Variants in MAGI1 observed in about 807,000 individuals in gnomAD.
MAGI1 encodes the protein membrane-associated guanylate kinase, WW and PDZ domain-containing protein 1.
In MAGI1, 58 loss-of-function variants were observed where a neutral mutation model predicts 139.9. The ratio of observed to expected loss-of-function variants is 0.41; its 90% CI spans 0.34 to 0.52. The LOEUF (loss-of-function observed/expected upper bound fraction) is 0.52. MAGI1 is among the 20% of genes least tolerant of loss of function. The pLI, the probability that MAGI1 is intolerant of heterozygous loss-of-function variation, is 0.12. For synonymous variants in MAGI1, 812 were observed against 737.9 expected, an observed-to-expected ratio of 1.10 and a Z score of -1.63; for missense variants, 1,874 against 1,901.6, an observed-to-expected ratio of 0.99 and a Z score of 0.27.
At chr3:65,444,601 GC>G in intron 7 of MAGI1, among the ~76,000 whole-genome samples, 1 of 152,144 alleles carries the variant, frequency 6.6e-6, no homozygotes, top group Middle Eastern at 3.4e-3. Context: ...CCTACTTTTT[GC>G]CCGAGGGTGT....
intron 1 of MAGI1, among the ~76,000 whole-genome samples, chr3:65,713,661 G>C (rs188340580): frequency 1.4e-4 from 22 of 152,138 alleles, no homozygotes; most frequent in Non-Finnish European, 2.6e-4. Flanking sequence ...TCAAGTCCTG[G>C]CTCCATTACT....
chr3:65,604,183 A>G (rs2082622691), intron 2 of MAGI1, among the ~76,000 whole-genome samples: 1 of 151,982 alleles, frequency 6.6e-6, no homozygotes, highest in Non-Finnish European at 1.5e-5. Flanking sequence ...GTTTAAAAAC[A>G]TCCAAATGCA....
intron 1 of MAGI1, among the ~76,000 whole-genome samples, chr3:65,716,184 T>A (rs1203273126): frequency 6.6e-6 from 1 of 152,220 alleles, no homozygotes; most frequent in African/African-American, 2.4e-5. Flanking sequence ...AGACACTGTA[T>A]CAGATTCAGG....
intron 15 of MAGI1, among the ~76,000 whole-genome samples, 169 bp downstream of exon 15, chr3:65,383,363 C>T (rs1264527348): frequency 6.6e-6 from 1 of 152,222 alleles, no homozygotes; most frequent in East Asian, 1.9e-4. Flanking sequence ...TCTTCTTCCT[C>T]AAGACAAAGA....
At chr3:65,772,531 G>A (rs78969103) in intron 1 of MAGI1, among the ~76,000 whole-genome samples, 4,512 of 152,294 alleles carry the variant, frequency 0.03, 85 homozygotes, top group Middle Eastern at 0.044. Flanking sequence ...GGTGCTACAA[G>A]GGAGGGACAC....
intron 1 of MAGI1, among the ~76,000 whole-genome samples, chr3:65,675,241 G>A (rs188906476): frequency 2.6e-5 from 4 of 152,144 alleles, no homozygotes; most frequent in Non-Finnish European, 4.4e-5. Flanking sequence ...CCATATGTTC[G>A]GAGTTTCAAG....
chr3:65,927,136 G>T (rs1326689966), intron 1 of MAGI1, among the ~76,000 whole-genome samples: 1 of 152,196 alleles, frequency 6.6e-6, no homozygotes, highest in Non-Finnish European at 1.5e-5. Flanking sequence ...GCAGCCCTCA[G>T]GGCTGGTCTG....
Position 65,361,346 on chromosome 3 carries a change from G to T in MAGI1, c.3496-9C>A. ...AAAATTTCATCACCAATCTGCCAAA[G>T]CAAAAGAAAACTAAGTGAGATTTGA... On this transcript the variant is annotated splice_polypyrimidine_tract_variant and intron_variant, in intron 21 of 22. Coordinates refer to ENST00000402939, the MANE Select transcript of MAGI1 (RefSeq NM_001033057.2). 1 of 1,612,466 alleles carries T rather than the reference G, an allele frequency of 6.2e-7. No individual in the cohort carries two copies. Among genetic ancestry groups the T allele is most frequent in the Non-Finnish European group, 8.5e-7 (1 of 1,178,846 alleles).
At chr3:65,596,237 C>T (rs1312186944) in intron 2 of MAGI1, among the ~76,000 whole-genome samples, 2 of 152,114 alleles carry the variant, frequency 1.3e-5, no homozygotes, top group Admixed American at 6.5e-5. Context: ...TATGTCATTC[C>T]GTGGGTTACC....
Position 65,354,624 on chromosome 3 carries a change from CT to C in MAGI1, c.*1753del. On this transcript the variant is annotated 3_prime_UTR_variant, in exon 23 of 23. Transcript: ENST00000402939. ...ATGATGATATTCAAACCAACTAAAG[CT>C]TTAGAGAATTACTTATATAGTCTCC... The C allele has an allele frequency of 6.5e-6, 1 of 152,704 alleles. No individual in the cohort carries two copies. The highest frequency in any genetic ancestry group is 2.1e-4 in the South Asian group (1 of 4,824). The allele number at this position is 152,704 out of a possible 1,614,324, so 9.5% of individuals were successfully genotyped here.
At chr3:65,553,018 A>C (rs1188886430) in intron 2 of MAGI1, among the ~76,000 whole-genome samples, 2 of 152,224 alleles carry the variant, frequency 1.3e-5, no homozygotes, top group African/African-American at 4.8e-5. Context: ...AGGGATGTTT[A>C]GTCCCCACTT....
intron 1 of MAGI1, among the ~76,000 whole-genome samples, chr3:65,634,467 T>A (rs2084488312): frequency 2.0e-5 from 3 of 152,188 alleles, no homozygotes; most frequent in Admixed American, 2.0e-4. Flanking sequence ...GTGCTGAACT[T>A]CAAGCGAGGC....
At chr3:65,598,798 G>C (rs549058787) in intron 2 of MAGI1, among the ~76,000 whole-genome samples, 2 of 152,306 alleles carry the variant, frequency 1.3e-5, no homozygotes, top group African/African-American at 4.8e-5. Context: ...GATTCTCTAA[G>C]AGCCGGCGGT....
intron 1 of MAGI1, chr3:65,688,565 T>C (rs62245036): frequency 0.032 from 10,952 of 342,626 alleles, 264 homozygotes; most frequent in Non-Finnish European, 0.046. Flanking sequence ...GTGACAGACA[T>C]TTCCGTGGGG....
chr3:65,769,877 C>T (rs2037809951), intron 1 of MAGI1, among the ~76,000 whole-genome samples: 1 of 152,118 alleles, frequency 6.6e-6, no homozygotes, highest in African/African-American at 2.4e-5. Flanking sequence ...CATCACTTCC[C>T]CAGTAAAGTA....
rs1371046772 is a variant in MAGI1, at chr3:65,453,633, G to A, written c.960-293C>T. ...ATAAGTTACAAATGATACCCCTTGCGTATACCATCTACCCTTGTCTAGATT... is the reference window on the plus strand; with the variant it reads ...ATAAGTTACAAATGATACCCCTTGCATATACCATCTACCCTTGTCTAGATT... On this transcript the variant is annotated intron_variant, in intron 5 of 22. Transcript: ENST00000402939. 7.2e-5 allele frequency among the ~76,000 whole-genome samples: 11 copies of A among 152,112 alleles called. 1 individual carries two copies. The highest frequency in any genetic ancestry group is 6.2e-4 in the South Asian group (3 of 4,810).
At chr3:65,849,309 G>T (rs947576187) in intron 1 of MAGI1, among the ~76,000 whole-genome samples, 6 of 151,648 alleles carry the variant, frequency 4.0e-5, no homozygotes, top group African/African-American at 1.5e-4. Flanking sequence ...ACAAGCATGA[G>T]TCACTGCACC....
chr3:65,855,881 C>G (rs1007265522), intron 1 of MAGI1, among the ~76,000 whole-genome samples: 2 of 151,728 alleles, frequency 1.3e-5, no homozygotes. Context: ...CCCTCACTTA[C>G]GCAACAGCTA....
rs575460300 is a variant in MAGI1 at position 65,738,249 on chromosome 3, T to C, written c.314-116161A>G. ...ATAAATTTTTTGGTTTTCCAGCACA[T>C]ATAAAAGTTATATTTAAACTTTTGC... On this transcript the variant is annotated intron_variant, in intron 1 of 22. Transcript: ENST00000402939. Among the ~76,000 whole-genome samples, 6 of 152,338 alleles carry C rather than the reference T, an allele frequency of 3.9e-5. No individual in the cohort carries two copies. The East Asian group carries it at 9.6e-4, about 24-fold the overall frequency.
Sources: gnomAD v4.1 joint callset for allele counts (sites outside exome capture counted in the v4.1 genomes callset) on GRCh38, gnomAD v4.1.1 for gene constraint, MANE v1.5 for transcripts, NCBI Gene and HGNC (gene_info 2026-07-23, HGNC 2026-07-21) for gene names.